The following UTRN variants were observed in gnomAD, a reference collection of about 807,000 sequenced individuals.
The protein encoded by UTRN is dystrophin-related protein 1.
A neutral mutation model predicts 463.9 loss-of-function variants in UTRN; 283 were observed. That is an observed-to-expected ratio of 0.61 (90% CI 0.55 to 0.67). UTRN has a LOEUF of 0.67. UTRN is among the 30% of genes least tolerant of loss of function. The probability of loss-of-function intolerance (pLI) is 0.00; values close to 1 mark genes in which losing one functional copy is unlikely to be tolerated. For missense variants in UTRN, 3,922 were observed against 4,084.3 expected, an observed-to-expected ratio of 0.96 and a Z score of 1.08; for synonymous variants, 1,442 against 1,431.5, an observed-to-expected ratio of 1.01 and a Z score of -0.17.
At chr6:144,656,102 C>T (rs1044180199) in intron 51 of UTRN, among the ~76,000 whole-genome samples, 2 of 152,048 alleles carry the variant, frequency 1.3e-5, no homozygotes, top group African/African-American at 4.8e-5. Flanking sequence ...GCTAGAGATT[C>T]CTGGGTTATT....
rs560908481 is a variant in UTRN, at chr6:144,831,321, C to G, written c.9665+2466C>G. On this transcript the variant is annotated intron_variant, in intron 69 of 74. Coordinates refer to ENST00000367545, the MANE Select transcript of UTRN (RefSeq NM_007124.3). ...TGGCCCCAGTGTAATCCCAAGGGTC[C>G]TCATAAAGGGTAGGAAGGAGAGCCA... Among the ~76,000 whole-genome samples, 29 of 152,172 alleles carry G rather than the reference C, an allele frequency of 1.9e-4. No homozygotes were observed. In the South Asian group the frequency reaches 5.2e-3, roughly 27 times the overall value.
At chr6:144,801,781 C>T (rs1156915484) in intron 64 of UTRN, among the ~76,000 whole-genome samples, 1 of 152,110 alleles carries the variant, frequency 6.6e-6, no homozygotes, top group East Asian at 1.9e-4. Context: ...CACCTGGGCC[C>T]TTAGCTCTGT....
chr6:144,709,280 C>A (rs1785415784), intron 53 of UTRN, among the ~76,000 whole-genome samples: 1 of 152,112 alleles, frequency 6.6e-6, no homozygotes, highest in Non-Finnish European at 1.5e-5. Context: ...ACTTTTAAAA[C>A]CAATTTTTTC....
intron 74 of UTRN, among the ~76,000 whole-genome samples, chr6:144,848,157 G>A (rs374596241): frequency 2.0e-5 from 3 of 152,112 alleles, no homozygotes; most frequent in Non-Finnish European, 4.4e-5. Flanking sequence ...TGGGGAGGAG[G>A]TGTCAGAAGT....
intron 25 of UTRN, among the ~76,000 whole-genome samples, chr6:144,476,637 CG>C (rs1562459080): frequency 6.6e-6 from 1 of 152,054 alleles, no homozygotes; most frequent in East Asian, 1.9e-4. Context: ...AAATCAGTAA[CG>C]GGGAATGTGG....
intron 2 of UTRN, among the ~76,000 whole-genome samples, chr6:144,381,929 A>G (rs950784614): frequency 6.6e-6 from 1 of 152,190 alleles, no homozygotes; most frequent in Non-Finnish European, 1.5e-5. Flanking sequence ...AGGAATTGCT[A>G]TGTTGTCTTC....
intron 32 of UTRN, among the ~76,000 whole-genome samples, chr6:144,492,995 A>C (rs1043309158): frequency 2.0e-5 from 3 of 152,220 alleles, no homozygotes; most frequent in Admixed American, 6.5e-5. Context: ...TTTAGTCCTA[A>C]TGTTTTCCCA....
intron 65 of UTRN, among the ~76,000 whole-genome samples, chr6:144,809,815 A>G (rs911106265): frequency 6.6e-6 from 1 of 152,200 alleles, no homozygotes; most frequent in African/African-American, 2.4e-5. Flanking sequence ...GCTAAGGGGA[A>G]AAGGGTGTGT....
intron 2 of UTRN, among the ~76,000 whole-genome samples, chr6:144,329,830 C>T (rs375785456): frequency 6.6e-6 from 1 of 152,176 alleles, no homozygotes; most frequent in Non-Finnish European, 1.5e-5. Context: ...CAGTGTGCCA[C>T]AGAGTGTTTC....
At chr6:144,471,075 C>T (rs188609370) in intron 23 of UTRN, among the ~76,000 whole-genome samples, 1,315 of 7,260 alleles carry the variant, frequency 0.18, 43 homozygotes, top group African/African-American at 0.35. Flanking sequence ...GGGGAGGGGG[C>T]GAGGGAGGGG....
intron 3 of UTRN, among the ~76,000 whole-genome samples, chr6:144,407,777 T>C (rs1372526788): frequency 6.6e-6 from 1 of 152,222 alleles, no homozygotes; most frequent in African/African-American, 2.4e-5. Flanking sequence ...GTATTCTTTT[T>C]GCTGCAAATC....
intron 53 of UTRN, among the ~76,000 whole-genome samples, chr6:144,728,689 T>C (rs1188938025): frequency 1.3e-5 from 2 of 152,070 alleles, no homozygotes; most frequent in African/African-American, 4.8e-5. Flanking sequence ...GAAGGACATA[T>C]AAATGTACCT....
At chr6:144,480,035 A>C in intron 26 of UTRN, 53 bp downstream of exon 26, 1 of 1,570,510 alleles carries the variant, frequency 6.4e-7, no homozygotes, top group East Asian at 2.3e-5. Flanking sequence ...TCCTCCCTTT[A>C]AAACCAGCAC....
chr6:144,289,657 A>T (rs1054464727), intron 1 of UTRN, among the ~76,000 whole-genome samples: 3 of 149,960 alleles, frequency 2.0e-5, no homozygotes, highest in Admixed American at 2.0e-4. Context: ...CACTTACTTT[A>T]TTTTTTTTGA....
intron 73 of UTRN, 148 bp downstream of exon 73, chr6:144,840,980 TATA>T: frequency 1.2e-6 from 1 of 857,962 alleles, no homozygotes; most frequent in Non-Finnish European, 1.7e-6. Flanking sequence ...GCAAACATTA[TATA>T]AGAAAATGAA....
At chr6:144,465,608 A>G (rs1228503648) in intron 23 of UTRN, among the ~76,000 whole-genome samples, 1 of 152,154 alleles carries the variant, frequency 6.6e-6, no homozygotes, top group African/African-American at 2.4e-5. Context: ...ATTGAAATAC[A>G]TGTTTTATCT....
chr6:144,543,414 C>T (rs1462258521), intron 46 of UTRN, among the ~76,000 whole-genome samples: 2 of 152,152 alleles, frequency 1.3e-5, no homozygotes, highest in Admixed American at 6.5e-5. Flanking sequence ...TCTCTTTATC[C>T]AGATTAGATC....
chr6:144,444,517 A>G (rs963329946), intron 14 of UTRN, 135 bp downstream of exon 14: 1 of 502,396 alleles, frequency 2.0e-6, no homozygotes, highest in Non-Finnish European at 3.3e-6. Context: ...TTAAAGATCA[A>G]ATTTCTATCC....
At chr6:144,309,014 G>A (rs1321980518) in intron 2 of UTRN, among the ~76,000 whole-genome samples, 2 of 152,110 alleles carry the variant, frequency 1.3e-5, no homozygotes, top group African/African-American at 4.8e-5. Context: ...AGTTATTAGG[G>A]ACCTCCTTGT....
Sources: gnomAD v4.1 joint callset for allele counts (sites outside exome capture counted in the v4.1 genomes callset) on GRCh38, gnomAD v4.1.1 for gene constraint, MANE v1.5 for transcripts, NCBI Gene and HGNC (gene_info 2026-07-23, HGNC 2026-07-21) for gene names.